The following ALG6 variants were observed in gnomAD, a reference collection of about 807,000 sequenced individuals.
The protein encoded by ALG6 is dolichyl pyrophosphate Man9GlcNAc2 alpha-1,3-glucosyltransferase.
A neutral mutation model predicts 66.6 loss-of-function variants in ALG6; 46 were observed. The ratio of observed to expected loss-of-function variants is 0.69; its 90% CI spans 0.55 to 0.88. The LOEUF is 0.88. Ranked by LOEUF, ALG6 falls within the 40% of genes least tolerant of loss-of-function variation. The pLI, the probability that ALG6 is intolerant of heterozygous loss-of-function variation, is 0.00. For missense variants in ALG6, 505 were observed against 586.8 expected, an observed-to-expected ratio of 0.86 and a Z score of 1.44; for synonymous variants, 185 against 203.7, an observed-to-expected ratio of 0.91 and a Z score of 0.78.
At chr1:63,406,679 C>G (rs1413418236) in intron 6 of ALG6, among the ~76,000 whole-genome samples, 3 of 152,028 alleles carry the variant, frequency 2.0e-5, no homozygotes, top group African/African-American at 7.2e-5. Context: ...TTTGAGCTGG[C>G]TTGTGAGATT....
At chr1:63,414,846 G>C (rs1336950216) in intron 10 of ALG6, among the ~76,000 whole-genome samples, 1 of 152,130 alleles carries the variant, frequency 6.6e-6, no homozygotes, top group African/African-American at 2.4e-5. Flanking sequence ...CAAAACAGAA[G>C]TCACAAGGCA....
At chr1:63,422,138 A>AAT (rs1218233591) in intron 12 of ALG6, among the ~76,000 whole-genome samples, 7 of 55,688 alleles carry the variant, frequency 1.3e-4, no homozygotes, top group African/African-American at 5.0e-4. Flanking sequence ...TAAATATATA[A>AAT]ATATATATAA....
intron 2 of ALG6, among the ~76,000 whole-genome samples, chr1:63,384,510 G>A (rs932629357): frequency 3.9e-5 from 6 of 152,004 alleles, no homozygotes; most frequent in African/African-American, 1.2e-4. Context: ...CCATTTGCCC[G>A]TTTTTGCTTT....
intron 2 of ALG6, among the ~76,000 whole-genome samples, chr1:63,394,145 TG>T (rs1648749719): frequency 6.6e-6 from 1 of 152,236 alleles, no homozygotes. Flanking sequence ...GGAGAAAATC[TG>T]GATTAGATTT....
chr1:63,400,320 C>CAT lies in ALG6; in HGVS notation c.168-1934_168-1933insAT, dbSNP rs1644455141. Among the ~76,000 whole-genome samples the CAT allele has an allele frequency of 4.5e-4, 2 of 4,482 alleles. 1 individual carries two copies. The highest frequency in any genetic ancestry group is 6.5e-4 in the Non-Finnish European group (2 of 3,082). The allele number at this position is 4,482 out of a possible 152,430, so 2.9% of individuals were successfully genotyped here. A position where few individuals can be genotyped will look rare whatever the true frequency, so the allele number is the denominator to read the frequency against. ...ACGTATATATATGTATATATATATACGTATATATATATATACGTATATATA... is the reference window on the plus strand; with the variant it reads ...ACGTATATATATGTATATATATATACATGTATATATATATATACGTATATATA... On this transcript the variant is annotated intron_variant, in intron 3 of 14. Transcript: ENST00000263440.
At chr1:63,385,355 A>G (rs1648470905) in intron 2 of ALG6, among the ~76,000 whole-genome samples, 2 of 151,376 alleles carry the variant, frequency 1.3e-5, no homozygotes, top group South Asian at 4.2e-4. Flanking sequence ...GCATGCCACC[A>G]TGCCCGACAA....
rs889764837 is a variant in ALG6, at chr1:63,399,847, G to A, written c.168-2407G>A. ...TACTGAGATTACATGGGAATTCAGTGGAAAAATACATTTCAATGTATAAAT... is the reference window on the plus strand; with the variant it reads ...TACTGAGATTACATGGGAATTCAGTAGAAAAATACATTTCAATGTATAAAT... On this transcript the variant is annotated intron_variant, in intron 3 of 14. Transcript: ENST00000263440. Among the ~76,000 whole-genome samples the A allele has an allele frequency of 5.9e-5, 9 of 151,706 alleles. 1 individual carries two copies. The South Asian group carries it at 1.5e-3, about 25-fold the overall frequency.
intron 14 of ALG6, among the ~76,000 whole-genome samples, chr1:63,436,036 C>T (rs1161445096): frequency 2.0e-5 from 3 of 152,154 alleles, no homozygotes; most frequent in Non-Finnish European, 2.9e-5. Context: ...CAGAGGACCT[C>T]ATTTTCTTTC....
At chr1:63,434,612 C>T (rs564149016) in intron 14 of ALG6, among the ~76,000 whole-genome samples, 6 of 150,148 alleles carry the variant, frequency 4.0e-5, no homozygotes, top group South Asian at 4.3e-4. Flanking sequence ...AGTTTTTTTG[C>T]GATATTTTTA....
chr1:63,423,643 T>A (rs545049482), intron 12 of ALG6, among the ~76,000 whole-genome samples: 2 of 152,362 alleles, frequency 1.3e-5, no homozygotes, highest in Non-Finnish European at 2.9e-5. Flanking sequence ...CTTAATATTT[T>A]CAAGGTTCAT....
chr1:63,419,462 A>G (rs1339733714), intron 12 of ALG6, 22 bp downstream of exon 12: 1 of 1,513,822 alleles, frequency 6.6e-7, no homozygotes, highest in Non-Finnish European at 9.1e-7. Context: ...CATTTGAAAT[A>G]TGTGTTTATT....
intron 12 of ALG6, among the ~76,000 whole-genome samples, chr1:63,422,937 G>A (rs575092036): frequency 5.1e-4 from 78 of 151,866 alleles, no homozygotes; most frequent in African/African-American, 1.8e-3. Flanking sequence ...CATGGGCAAC[G>A]AGAGCAAAAC....
chr1:63,429,850 AGTGTGTGTGTGTGTGTGTGT>A, intron 14 of ALG6: 1 of 144,276 alleles, frequency 6.9e-6, no homozygotes, highest in East Asian at 2.1e-4. Context: ...TCTTTCACTT[AGTGTGTGTGTGTGTGTGTGT>A]GTGTGTGTGT....
Position 63,411,362 on chromosome 1 carries a change from A to G in ALG6, c.680+31A>G, listed in dbSNP as rs1290722318. 3.8e-6 allele frequency: 6 copies of G among 1,597,044 alleles called. No homozygotes were observed. In the Admixed American group the frequency reaches 8.6e-5, roughly 23 times the overall value. On this transcript the variant is annotated intron_variant, in intron 8 of 14. Coordinates refer to ENST00000263440, the MANE Select transcript of ALG6 (RefSeq NM_013339.4). ...TGACTTTTAAACACTAGAATCCAAA[A>G]ATTTACTTCAGATAATTTTTTTGGC...
intron 2 of ALG6, among the ~76,000 whole-genome samples, chr1:63,392,769 T>G (rs1184639832): frequency 6.6e-6 from 1 of 152,212 alleles, no homozygotes; most frequent in African/African-American, 2.4e-5. Flanking sequence ...GTGGAAGGAA[T>G]CGTTTTTTGC....
In ALG6 at chr1:63,367,694, G is replaced by C. The variant is rs1028351102; in HGVS notation, c.-208+7G>C. On this transcript the variant is annotated splice_region_variant and intron_variant, in intron 1 of 14. Transcript: ENST00000263440. ...GCGGCCGGCGGGCGGCGGGGTAAGA[G>C]CATGGGATCCCGGAGGTTCCGGACC... is the stretch of plus-strand genomic sequence containing the variant. 2 of 152,244 alleles carry C rather than the reference G, an allele frequency of 1.3e-5. No individual in the cohort carries two copies. The highest frequency in any genetic ancestry group is 4.8e-5 in the African/African-American group (2 of 41,454). 9.4% of individuals were successfully genotyped at this position (152,244 alleles called of 1,614,324 possible).
chr1:63,371,410 C>A (rs746593646), intron 2 of ALG6: 5 of 265,762 alleles, frequency 1.9e-5, no homozygotes, highest in African/African-American at 6.8e-5. Flanking sequence ...TAAAGGGAAG[C>A]GATCAGTGAA....
intron 14 of ALG6, among the ~76,000 whole-genome samples, chr1:63,434,724 C>A (rs1022512266): frequency 6.6e-6 from 1 of 152,116 alleles, no homozygotes; most frequent in Non-Finnish European, 1.5e-5. Context: ...ATTGGACAAC[C>A]CTGGTTTAGG....
Position 63,387,158 on chromosome 1 carries a change from A to G in ALG6, c.83-9355A>G, listed in dbSNP as rs1648526739. On this transcript the variant is annotated intron_variant, in intron 2 of 14. Coordinates refer to ENST00000263440, the MANE Select transcript of ALG6 (RefSeq NM_013339.4). ...ATTGTGGTTAGAAAGGATACCTGAT[A>G]TGATATCAGTGTTTTGAATTTTTTA... Among the ~76,000 whole-genome samples, 3 of 152,202 alleles carry G rather than the reference A, an allele frequency of 2.0e-5. No homozygotes were observed. In the South Asian group the frequency reaches 6.2e-4, roughly 32 times the overall value.
Sources: allele counts gnomAD v4.1 joint callset (sites outside exome capture counted in the v4.1 genomes callset), GRCh38; gene constraint gnomAD v4.1.1; transcripts MANE v1.5; gene names NCBI Gene and HGNC (gene_info 2026-07-23, HGNC 2026-07-21).